IRAK4: variants seen among roughly 807,000 people sequenced by gnomAD.
IRAK4 encodes the protein interleukin-1 receptor-associated kinase 4.
A neutral mutation model predicts 51.8 loss-of-function variants in IRAK4; 44 were observed. The ratio of observed to expected loss-of-function variants is 0.85; its 90% CI spans 0.67 to 1.09. The LOEUF is 1.09. Among genes scored for constraint, IRAK4 ranks in the 50% least tolerant of loss-of-function variants. IRAK4 has a pLI of 0.00. For synonymous variants in IRAK4, 149 were observed against 174.1 expected, an observed-to-expected ratio of 0.86 and a Z score of 1.13; for missense variants, 487 against 538.0, an observed-to-expected ratio of 0.91 and a Z score of 0.94.
chr12:43,780,365 C>T (rs1941669919), intron 8 of IRAK4, among the ~76,000 whole-genome samples: 1 of 151,852 alleles, frequency 6.6e-6, no homozygotes, highest in Non-Finnish European at 1.5e-5. Flanking sequence ...TGCTTATGTG[C>T]CTATAGGAAG....
At chr12:43,767,706 A>G (rs1565664973) in intron 1 of IRAK4, among the ~76,000 whole-genome samples, 10 of 151,818 alleles carry the variant, frequency 6.6e-5, no homozygotes. Flanking sequence ...ATTGAGAAAC[A>G]TAAATTGAAA....
chr12:43,775,785 C>T (rs983033536), intron 6 of IRAK4, among the ~76,000 whole-genome samples: 1 of 151,020 alleles, frequency 6.6e-6, no homozygotes, highest in Non-Finnish European at 1.5e-5. Flanking sequence ...TCTAAATACA[C>T]ATTCAAATGG....
chr12:43,783,949 T>C lies in IRAK4; in HGVS notation c.1188+225T>C, dbSNP rs1031440642. Among the ~76,000 whole-genome samples the C allele has an allele frequency of 2.6e-5, 4 of 152,222 alleles. No individual in the cohort carries two copies. The East Asian group carries it at 5.8e-4, about 22-fold the overall frequency. ...CACTTATATATTCTTTGTTCTGATTTCTTTGTGGGTAAAATGAGAATAGAA... is the reference window on the plus strand; with the variant it reads ...CACTTATATATTCTTTGTTCTGATTCCTTTGTGGGTAAAATGAGAATAGAA... On this transcript the variant is annotated intron_variant, in intron 10 of 11. Transcript: ENST00000613694.
At chr12:43,760,761 A>G (rs906632054) in intron 1 of IRAK4, among the ~76,000 whole-genome samples, 4 of 151,812 alleles carry the variant, frequency 2.6e-5, no homozygotes, top group African/African-American at 9.7e-5. Flanking sequence ...CCTTTTCTCT[A>G]TTTCGTTTTG....
chr12:43,762,612 A>G (rs1939682629), intron 1 of IRAK4, among the ~76,000 whole-genome samples: 1 of 152,230 alleles, frequency 6.6e-6, no homozygotes, highest in African/African-American at 2.4e-5. Flanking sequence ...GTTGGGTCCT[A>G]GCTCAGGAGA....
intron 5 of IRAK4, 65 bp from the exon 6 acceptor site, chr12:43,773,900 G>C: frequency 1.0e-6 from 1 of 1,002,312 alleles, no homozygotes; most frequent in Admixed American, 1.8e-5. Context: ...CTGATCTCTT[G>C]ATCCCTCTGA....
At chr12:43,781,526 T>G (rs1941778599) in intron 8 of IRAK4, among the ~76,000 whole-genome samples, 1 of 152,230 alleles carries the variant, frequency 6.6e-6, no homozygotes, top group South Asian at 2.1e-4. Flanking sequence ...TTTCTTTCCC[T>G]CATATAACTA....
rs755161698 is a variant in IRAK4, at chr12:43,786,571, A to G, written c.1347+14A>G. 4.3e-6 allele frequency: 7 copies of G among 1,612,590 alleles called. No individual in the cohort carries two copies. The highest frequency in any genetic ancestry group is 2.2e-5 in the East Asian group (1 of 44,796). ...GACATTAAGAAGGTATGCATTTTTT[A>G]TACTTATTTAAAAAGTGAAAGGGGT... On this transcript the variant is annotated intron_variant, in intron 11 of 11. Coordinates refer to ENST00000613694, the MANE Select transcript of IRAK4 (RefSeq NM_016123.4).
intron 2 of IRAK4, chr12:43,771,000 G>C (rs949640056): frequency 1.3e-5 from 9 of 683,352 alleles, no homozygotes; most frequent in Non-Finnish European, 2.4e-5. Context: ...ACATGCACGT[G>C]TGCATGCTCT....
chr12:43,782,848 A>C lies in IRAK4; in HGVS notation c.1125+358A>C, dbSNP rs150552042. ...CCAATAACTTTTAAGATAGAGCAAGAGATAGGTGTGGGTGGTTGAAGAAGC... is the reference window on the plus strand; with the variant it reads ...CCAATAACTTTTAAGATAGAGCAAGCGATAGGTGTGGGTGGTTGAAGAAGC... On this transcript the variant is annotated intron_variant, in intron 9 of 11. Coordinates refer to ENST00000613694, the MANE Select transcript of IRAK4 (RefSeq NM_016123.4). Among the ~76,000 whole-genome samples the C allele has an allele frequency of 1.9e-3, 290 of 152,320 alleles. 2 individuals carry two copies. The highest frequency in any genetic ancestry group is 6.4e-3 in the African/African-American group (265 of 41,568).
rs886049383 is a variant in IRAK4, at chr12:43,758,972, G to A, written c.-54G>A. ...GCCCCTTCGCGGCGCTTCCTAGTTC[G>A]GCTGGTTCTTCTGTCGCCGGCTTCA... On this transcript the variant is annotated 5_prime_UTR_variant, in exon 1 of 12. Transcript: ENST00000613694. 2.0e-5 allele frequency: 3 copies of A among 153,160 alleles called. No individual in the cohort carries two copies. The highest frequency in any genetic ancestry group is 7.2e-5 in the African/African-American group (3 of 41,438). The allele number at this position is 153,160 out of a possible 1,614,324, so 9.5% of individuals were successfully genotyped here. A position where few individuals can be genotyped will look rare whatever the true frequency, so the allele number is the denominator to read the frequency against.
At chr12:43,785,622 G>A (rs1169439205) in intron 10 of IRAK4, among the ~76,000 whole-genome samples, 1 of 144,456 alleles carries the variant, frequency 6.9e-6, no homozygotes, top group Non-Finnish European at 1.5e-5. Flanking sequence ...ATATATATGT[G>A]TGTATATATA....
intron 8 of IRAK4, 149 bp downstream of exon 8, chr12:43,778,451 C>T (rs1262703759): frequency 1.6e-6 from 1 of 635,824 alleles, no homozygotes; most frequent in Non-Finnish European, 2.8e-6. Context: ...ATAAGGACAT[C>T]TATAATCTCC....
At chr12:43,769,153 T>TC (rs1940482817) in intron 2 of IRAK4, among the ~76,000 whole-genome samples, 1 of 152,134 alleles carries the variant, frequency 6.6e-6, no homozygotes, top group South Asian at 2.1e-4. Context: ...CTTTTTTTTT[T>TC]CTTTTTTCCA....
chr12:43,777,630 G>A lies in IRAK4; in HGVS notation c.717G>A (p.Lys239=). Residue 239 remains lysine, a splice_region_variant and synonymous_variant, in exon 7 of 12, where the codon AAG becomes AAA. Transcript: ENST00000613694. ...TTGCATGAAAAATTATTTGTCACAG[G>A]TGTCAACATGAAAACTTAGTAGAAC... ...QFDQEIKVMA[K]CQHENLVELL... The A allele has an allele frequency of 6.2e-7, 1 of 1,601,702 alleles. No individual in the cohort carries two copies. Among genetic ancestry groups the A allele is most frequent in the East Asian group, 2.2e-5 (1 of 44,450 alleles).
At chr12:43,776,667 C>CTGT (rs1174846148) in intron 6 of IRAK4, among the ~76,000 whole-genome samples, 1 of 152,248 alleles carries the variant, frequency 6.6e-6, no homozygotes, top group African/African-American at 2.4e-5. Flanking sequence ...CTCAGTAAGG[C>CTGT]TGTTAACTTG....
intron 1 of IRAK4, among the ~76,000 whole-genome samples, chr12:43,764,490 G>C (rs552777264): frequency 1.7e-4 from 26 of 152,164 alleles, no homozygotes; most frequent in African/African-American, 6.3e-4. Context: ...TTTTGTAAGC[G>C]ATAACACCAG....
chr12:43,773,017 T>C lies in IRAK4; in HGVS notation c.596T>C (p.Val199Ala). ...AAAATGGGAGAGGGAGGATTTGGAGTTGTATATAAAGGCTACGTAAATAAC... is the reference window on the plus strand; with the variant it reads ...AAAATGGGAGAGGGAGGATTTGGAGCTGTATATAAAGGCTACGTAAATAAC... ...GNKMGEGGFG[V>A]VYKGYVNNTT... is the part of the protein sequence containing the mutation. The change falls in exon 5 of 12, where the codon GTT becomes GCT. Residue 199 changes from valine (V) to alanine (A), a missense_variant. Val to Ala is a moderately conservative substitution (Grantham distance 64, BLOSUM62 0). Coordinates refer to ENST00000613694, the MANE Select transcript of IRAK4 (RefSeq NM_016123.4). The C allele has an allele frequency of 6.2e-7, 1 of 1,612,980 alleles. No homozygotes were observed. Among genetic ancestry groups the C allele is most frequent in the Non-Finnish European group, 8.5e-7 (1 of 1,179,312 alleles).
In IRAK4 at chr12:43,778,296, T is replaced by G. The variant is rs777460833; in HGVS notation, c.935T>G (p.Ile312Ser). 1 of 1,551,650 alleles carries G rather than the reference T, an allele frequency of 6.4e-7. No homozygotes were observed. The highest frequency in any genetic ancestry group is 1.1e-5 in the South Asian group (1 of 89,814). The change falls in exon 8 of 12, where the codon ATT becomes AGT. Residue 312 changes from isoleucine (I) to serine (S), a missense_variant. Coordinates refer to ENST00000613694, the MANE Select transcript of IRAK4 (RefSeq NM_016123.4). Reference protein sequence around the residue: ...LHENHHIHRDIKSANILLDEA... With the variant: ...LHENHHIHRDSKSANILLDEA... Reference sequence around the variant, plus strand: ...GAAAATCATCATATTCATAGAGATATTAAAAGGTAAATGCTACTGTTTAAA... The same window carrying G: ...GAAAATCATCATATTCATAGAGATAGTAAAAGGTAAATGCTACTGTTTAAA...
Sources: allele counts gnomAD v4.1 joint callset (sites outside exome capture counted in the v4.1 genomes callset), GRCh38; gene constraint gnomAD v4.1.1; transcripts MANE v1.5; gene names NCBI Gene and HGNC (gene_info 2026-07-23, HGNC 2026-07-21).